Variants in ZNF800 observed in about 807,000 individuals in gnomAD.
ZNF800 encodes zinc finger protein 800.
A neutral mutation model predicts 59.5 loss-of-function variants in ZNF800; 13 were observed. The ratio of observed to expected loss-of-function variants is 0.22; its 90% CI spans 0.14 to 0.35. The LOEUF (loss-of-function observed/expected upper bound fraction) is 0.35. Among genes scored for constraint, ZNF800 ranks in the 10% least tolerant of loss-of-function variants. The probability of loss-of-function intolerance (pLI) is 1.00; values close to 1 mark genes in which losing one functional copy is unlikely to be tolerated. For synonymous variants in ZNF800, 266 were observed against 265.7 expected (o/e 1.00, Z -0.01); for missense variants, 621 against 783.7 (o/e 0.79, Z 2.48).
chr7:127,378,044 C>A (rs1201241849), intron 3 of ZNF800, among the ~76,000 whole-genome samples: 2 of 152,018 alleles, frequency 1.3e-5, no homozygotes, highest in Non-Finnish European at 2.9e-5. Flanking sequence ...ACCCCAATTA[C>A]AATTAAGTAT....
At chr7:127,368,022 G>A (rs1800549523), downstream of ZNF800, among the ~76,000 whole-genome samples, 1 of 152,026 alleles carries the variant, frequency 6.6e-6, no homozygotes, top group African/African-American at 2.4e-5. Context: ...CAAATTTGGT[G>A]TGGAGCAATG....
chr7:127,354,517 C>T (rs1055717371), intron 1 of ZNF800, among the ~76,000 whole-genome samples: 5 of 151,960 alleles, frequency 3.3e-5, no homozygotes, highest in African/African-American at 1.2e-4. Context: ...GCATAATATG[C>T]TACCATCTGT....
At chr7:127,366,658 A>G (rs1008922370), downstream of ZNF800, among the ~76,000 whole-genome samples, 12 of 152,188 alleles carry the variant, frequency 7.9e-5, no homozygotes, top group African/African-American at 2.7e-4. Context: ...AAAGAAAAAC[A>G]TGTATACTGG....
downstream of ZNF800, among the ~76,000 whole-genome samples, chr7:127,366,211 T>C (rs556622561): frequency 1.3e-5 from 2 of 152,236 alleles, no homozygotes; most frequent in South Asian, 4.1e-4. Context: ...GGAATGATGC[T>C]AGGCACATGA....
chr7:127,377,359 C>T lies in ZNF800; in HGVS notation c.158-30G>A. 6.4e-7 allele frequency: 1 copy of T among 1,564,564 alleles called. No individual in the cohort carries two copies. Among genetic ancestry groups the T allele is most frequent in the Non-Finnish European group, 8.7e-7 (1 of 1,152,932 alleles). On this transcript the variant is annotated intron_variant, in intron 3 of 5. Coordinates refer to ENST00000265827, the MANE Select transcript of ZNF800 (RefSeq NM_176814.5). The surrounding 1 kb of genome is among the most constrained non-coding windows in gnomAD (Gnocchi z 4.7). ...GAGAAAAAAGAAAAGAAAAACTTAA[C>T]ACAAAAGGTAACTTTAACATGCACT...
In ZNF800 at chr7:127,370,710, A is replaced by G. The variant is rs1800612874; in HGVS notation, c.*1104T>C. The G allele has an allele frequency of 1.3e-5, 2 of 152,602 alleles. No homozygotes were observed. The highest frequency in any genetic ancestry group is 4.8e-5 in the African/African-American group (2 of 41,460). The allele number at this position is 152,602 out of a possible 1,614,324, so 9.5% of individuals were successfully genotyped here. On this transcript the variant is annotated 3_prime_UTR_variant, in exon 6 of 6. Coordinates refer to ENST00000265827, the MANE Select transcript of ZNF800 (RefSeq NM_176814.5). ...ACTAAAAAATAAAATATTCCCTAAA[A>G]GTACAAAATATTGATACACAAAAAC...
chr7:127,342,963 A>T (rs1262364718), downstream of ZNF800, among the ~76,000 whole-genome samples: 1 of 152,082 alleles, frequency 6.6e-6, no homozygotes, highest in African/African-American at 2.4e-5. Flanking sequence ...AATAACAAAA[A>T]CCTCACAATA....
chr7:127,362,635 T>C (rs1800417161), intron 1 of ZNF800: 1 of 152,126 alleles, frequency 6.6e-6, no homozygotes, highest in South Asian at 2.1e-4. Context: ...GTCCCTTACA[T>C]AAATCTCTCC....
intron 2 of ZNF800, among the ~76,000 whole-genome samples, chr7:127,387,678 T>C (rs922367664): frequency 4.6e-5 from 7 of 151,804 alleles, no homozygotes; most frequent in African/African-American, 9.7e-5. Context: ...CTGGGCAAAA[T>C]GGCAAGACCC....
intron 2 of ZNF800, among the ~76,000 whole-genome samples, chr7:127,391,287 G>C (rs1022489487): frequency 6.6e-6 from 1 of 152,136 alleles, no homozygotes; most frequent in African/African-American, 2.4e-5. Context: ...ATGATTTAAG[G>C]TGACACTTGC....
chr7:127,377,100 A>G lies in ZNF800; in HGVS notation c.301+86T>C. 8.4e-7 allele frequency: 1 copy of G among 1,185,686 alleles called. No individual in the cohort carries two copies. The highest frequency in any genetic ancestry group is 1.8e-5 in the South Asian group (1 of 55,076). The allele number at this position is 1,185,686 out of a possible 1,614,324, so 73.4% of individuals were successfully genotyped here. On this transcript the variant is annotated intron_variant, in intron 4 of 5. Transcript: ENST00000265827. This position sits in a 1 kb window ranked among gnomAD's most constrained non-coding sequence, Gnocchi z 4.7. Reference sequence around the variant, plus strand: ...CATCATTATCAAATTATCAGTAACTAGATACAATTTTAATGCAAATGTATA... The same window carrying G: ...CATCATTATCAAATTATCAGTAACTGGATACAATTTTAATGCAAATGTATA...
At chr7:127,383,856 T>C (rs768542450) in intron 3 of ZNF800, among the ~76,000 whole-genome samples, 22 of 152,178 alleles carry the variant, frequency 1.4e-4, no homozygotes, top group Non-Finnish European at 2.9e-5. Flanking sequence ...ATTAAAATAA[T>C]AGTATTTTCA....
chr7:127,363,025 G>A (rs1341005670), intron 1 of ZNF800: 1 of 152,130 alleles, frequency 6.6e-6, no homozygotes, highest in Admixed American at 6.6e-5. Flanking sequence ...AGATTAGGGA[G>A]AGTATAAAAG....
chr7:127,380,001 A>G (rs921188955), intron 3 of ZNF800, among the ~76,000 whole-genome samples: 1 of 151,786 alleles, frequency 6.6e-6, no homozygotes, highest in Non-Finnish European at 1.5e-5. Flanking sequence ...GCCTTCACCT[A>G]TGTTTTTTCC....
chr7:127,373,285 A>AT (rs200843686), intron 5 of ZNF800, 57 bp downstream of exon 5: 648 of 1,431,412 alleles, frequency 4.5e-4, no homozygotes, highest in South Asian at 1.6e-3. Flanking sequence ...TGGTCAAATG[A>AT]TTTTTTTTTT....
intron 1 of ZNF800, chr7:127,360,871 T>C (rs149969280): frequency 6.6e-6 from 1 of 152,246 alleles, no homozygotes; most frequent in East Asian, 1.9e-4. Flanking sequence ...GTGTTGCTTC[T>C]CATCAATAAT....
chr7:127,386,933 T>C (rs944175004), intron 2 of ZNF800, among the ~76,000 whole-genome samples: 4 of 151,848 alleles, frequency 2.6e-5, no homozygotes, highest in Admixed American at 1.3e-4. Flanking sequence ...ATTTAATATA[T>C]ATTTTATATA....
At chr7:127,380,854 A>C (rs936176659) in intron 3 of ZNF800, among the ~76,000 whole-genome samples, 1 of 152,192 alleles carries the variant, frequency 6.6e-6, no homozygotes, top group Non-Finnish European at 1.5e-5. Flanking sequence ...CCTTTCAAAC[A>C]TCCAGCCCTC....
chr7:127,378,791 A>C (rs1800865145), intron 3 of ZNF800, among the ~76,000 whole-genome samples: 1 of 152,040 alleles, frequency 6.6e-6, no homozygotes, highest in African/African-American at 2.4e-5. Context: ...TCTACTGCAA[A>C]AAAGTTACCA....
Sources: gnomAD v4.1 joint callset for allele counts (sites outside exome capture counted in the v4.1 genomes callset) on GRCh38, gnomAD v4.1.1 for gene constraint, Gnocchi (gnomAD v3.1) non-coding constraint, MANE v1.5 for transcripts, NCBI Gene and HGNC (gene_info 2026-07-23, HGNC 2026-07-21) for gene names.